The following KATNAL2 variants were observed in gnomAD, a reference collection of about 807,000 sequenced individuals.
KATNAL2 encodes katanin p60 ATPase-containing subunit A-like 2.
Under a neutral mutation model 76.3 loss-of-function variants are expected in KATNAL2, and 52 were observed. The ratio of observed to expected loss-of-function variants is 0.68; its 90% CI spans 0.55 to 0.86. KATNAL2 has a LOEUF of 0.86. KATNAL2 is among the 40% of genes least tolerant of loss of function. KATNAL2 has a pLI of 0.00. For missense variants in KATNAL2, 660 were observed against 668.9 expected, an observed-to-expected ratio of 0.99 and a Z score of 0.15; for synonymous variants, 243 against 244.2, an observed-to-expected ratio of 1.00 and a Z score of 0.05.
intron 3 of KATNAL2, among the ~76,000 whole-genome samples, chr18:46,958,293 C>T (rs2146769977): frequency 6.6e-6 from 1 of 152,170 alleles, no homozygotes; most frequent in South Asian, 2.1e-4. Flanking sequence ...AGCTTGTTGA[C>T]TGCAGATCTT....
At chr18:46,961,882 T>G (rs2059977100) in intron 3 of KATNAL2, among the ~76,000 whole-genome samples, 1 of 152,218 alleles carries the variant, frequency 6.6e-6, no homozygotes, top group Admixed American at 6.5e-5. Context: ...TGCAACCGTA[T>G]GATATGATTG....
chr18:46,941,908 C>T (rs1411456295), intron 1 of KATNAL2, among the ~76,000 whole-genome samples: 5 of 152,082 alleles, frequency 3.3e-5, no homozygotes, highest in Non-Finnish European at 7.4e-5. Flanking sequence ...TGAGCGCACA[C>T]TTGGACAGGG....
At chr18:47,058,515 T>C (rs2061536125) in intron 7 of KATNAL2, among the ~76,000 whole-genome samples, 163 bp downstream of exon 7, 1 of 152,244 alleles carries the variant, frequency 6.6e-6, no homozygotes, top group Non-Finnish European at 1.5e-5. Flanking sequence ...ACTAAAACCA[T>C]GGACATATCC....
chr18:46,946,418 A>C lies in KATNAL2; in HGVS notation c.-148A>C. The C allele has an allele frequency of 9.6e-7, 1 of 1,037,404 alleles. No individual in the cohort carries two copies. Among genetic ancestry groups the C allele is most frequent in the East Asian group, 8.9e-5 (1 of 11,238 alleles). 64.3% of individuals were successfully genotyped at this position (1,037,404 alleles called of 1,614,324 possible). A position where few individuals can be genotyped will look rare whatever the true frequency, so the allele number is the denominator to read the frequency against. On this transcript the variant is annotated 5_prime_UTR_variant, in exon 2 of 18. Transcript: ENST00000683218. The stretch of plus-strand genomic sequence containing the variant: ...TGCACAGAGAATTTCAAAGAAAAGC[A>C]GAATAGATTTCCAAACCTTTACCCT...
In KATNAL2 at chr18:47,100,903, A is replaced by G. The variant is rs2063427996; in HGVS notation, c.1515A>G (p.Val505=). ...TACCCAGGATCCAGTTGGATATAGT[A>G]ACCACTGCCGACTTTCTGGATGTGC... ...SDLPRIQLDI[V]TTADFLDVLT... The change falls in exon 18 of 18, where the codon GTA becomes GTG. Residue 505 remains valine, a synonymous_variant. Coordinates refer to ENST00000683218, the MANE Select transcript of KATNAL2 (RefSeq NM_001387690.1). 1.2e-6 allele frequency: 2 copies of G among 1,614,068 alleles called. No individual in the cohort carries two copies. The highest frequency in any genetic ancestry group is 2.7e-5 in the African/African-American group (2 of 74,926).
Position 47,099,260 on chromosome 18 carries a change from T to C in KATNAL2, c.1229T>C (p.Met410Thr), listed in dbSNP as rs777957021. The change falls in exon 16 of 18, where the codon ATG becomes ACG. Residue 410 changes from methionine to threonine, a missense_variant. By Grantham distance (81) the Met-to-Thr change is moderately conservative (BLOSUM62 -1). Coordinates refer to ENST00000683218, the MANE Select transcript of KATNAL2 (RefSeq NM_001387690.1). ...GATTTCAGGGAGCTGGACTGTGCCA[T>C]GTTACGCCGCCTGGAGAAGAGGATT... ...SNLPWELDCAMLRRLEKRILV... is the reference protein window; with the variant it reads ...SNLPWELDCATLRRLEKRILV... 4 of 1,613,618 alleles carry C rather than the reference T, an allele frequency of 2.5e-6. No individual in the cohort carries two copies. The highest frequency in any genetic ancestry group is 2.5e-6 in the Non-Finnish European group (3 of 1,179,734).
chr18:47,069,385 G>T, intron 12 of KATNAL2, 97 bp from the exon 13 acceptor site: 1 of 1,349,972 alleles, frequency 7.4e-7, no homozygotes, highest in Non-Finnish European at 1.0e-6. Context: ...CGAGAGCTGA[G>T]CAGTCACTTC....
At chr18:47,037,482 C>T (rs1328958982) in intron 3 of KATNAL2, among the ~76,000 whole-genome samples, 1 of 152,154 alleles carries the variant, frequency 6.6e-6, no homozygotes, top group Non-Finnish European at 1.5e-5. Flanking sequence ...TTCAGGGGCA[C>T]ACCATCTCTT....
intron 10 of KATNAL2, among the ~76,000 whole-genome samples, chr18:47,066,496 G>A (rs1237289846): frequency 2.6e-5 from 4 of 152,022 alleles, no homozygotes; most frequent in South Asian, 2.1e-4. Context: ...GATCGCTAGC[G>A]AAAAAAGAGA....
At chr18:47,035,362 G>T (rs1344715806) in intron 3 of KATNAL2, 4 of 1,580,288 alleles carry the variant, frequency 2.5e-6, no homozygotes, top group Non-Finnish European at 3.4e-6. Context: ...CTCGCTGCCC[G>T]GTCGCCAGGC....
chr18:46,920,200 T>TA, intron 1 of KATNAL2: 1 of 540,018 alleles, frequency 1.9e-6, no homozygotes, highest in African/African-American at 1.9e-5. Flanking sequence ...TAAGGACTGT[T>TA]ATGTCATTCT....
chr18:46,923,072 T>G (rs1260791816), intron 1 of KATNAL2, among the ~76,000 whole-genome samples: 1 of 150,796 alleles, frequency 6.6e-6, no homozygotes, highest in Non-Finnish European at 1.5e-5. Context: ...TTTAATTTTA[T>G]TATTATTATA....
chr18:47,085,493 G>A (rs1441936911), intron 15 of KATNAL2, among the ~76,000 whole-genome samples: 1 of 152,152 alleles, frequency 6.6e-6, no homozygotes, highest in African/African-American at 2.4e-5. Context: ...AACTTCCCCA[G>A]TTACTCCTGG....
chr18:46,961,609 G>A (rs1195561676), intron 3 of KATNAL2, among the ~76,000 whole-genome samples: 3 of 152,174 alleles, frequency 2.0e-5, no homozygotes, highest in Non-Finnish European at 2.9e-5. Flanking sequence ...TACAGACATA[G>A]GATTAAACCT....
chr18:47,099,760 C>A (rs1046004841), intron 16 of KATNAL2, among the ~76,000 whole-genome samples: 1 of 152,170 alleles, frequency 6.6e-6, no homozygotes, highest in East Asian at 1.9e-4. Flanking sequence ...CAAAGAATGA[C>A]TGTGATGATT....
chr18:46,919,750 T>C (rs938890778), intron 1 of KATNAL2, among the ~76,000 whole-genome samples: 3 of 152,250 alleles, frequency 2.0e-5, no homozygotes, highest in African/African-American at 7.2e-5. Flanking sequence ...GCCTTGTATT[T>C]GTTTAATGAA....
chr18:47,099,772 C>G (rs2063393114), intron 16 of KATNAL2, among the ~76,000 whole-genome samples: 1 of 152,128 alleles, frequency 6.6e-6, no homozygotes, highest in Non-Finnish European at 1.5e-5. Flanking sequence ...GTGATGATTA[C>G]ATAACAGAAA....
intron 15 of KATNAL2, among the ~76,000 whole-genome samples, chr18:47,097,142 C>CAAAAAAAAAA (rs2063282911): frequency 2.2e-5 from 3 of 135,552 alleles, no homozygotes; most frequent in Non-Finnish European, 3.2e-5. Context: ...AAAAAAAAAT[C>CAAAAAAAAAA]CAACTCTGTG....
At chr18:47,036,189 A>C (rs2146977962) in intron 3 of KATNAL2, among the ~76,000 whole-genome samples, 1 of 152,322 alleles carries the variant, frequency 6.6e-6, no homozygotes, top group South Asian at 2.1e-4. Context: ...GTTCCACATC[A>C]TGACTGCAAG....
Sources: gnomAD v4.1 joint callset for allele counts (sites outside exome capture counted in the v4.1 genomes callset) on GRCh38, gnomAD v4.1.1 for gene constraint, MANE v1.5 for transcripts, NCBI Gene and HGNC (gene_info 2026-07-23, HGNC 2026-07-21) for gene names.